Variants in LAMC2 observed in about 807,000 individuals in gnomAD.
LAMC2 encodes the protein laminin subunit gamma-2.
LAMC2 carries 97 observed loss-of-function variants against 140.2 expected under a neutral mutation model. That is an observed-to-expected ratio of 0.69 (90% CI 0.59 to 0.82). LAMC2 has a LOEUF of 0.82. Among genes scored for constraint, LAMC2 ranks in the 40% least tolerant of loss-of-function variants. The pLI is 0.00. For missense variants in LAMC2, 1,402 were observed against 1,476.1 expected (o/e 0.95, Z 0.82); for synonymous variants, 513 against 540.2 (o/e 0.95, Z 0.70).
Position 183,234,468 on chromosome 1 carries a change from C to A in LAMC2, c.2300+22C>A, listed in dbSNP as rs751561812. 130 of 1,593,632 alleles carry A rather than the reference C, an allele frequency of 8.2e-5. 2 individuals are homozygous for A. In the South Asian group the frequency reaches 1.3e-3, roughly 15 times the overall value. ...AAAGGTGAGCAGCATTAGAGGGCACCTCTGCTTCAAGCCGTCTCTGCAAGG... is the reference window on the plus strand; with the variant it reads ...AAAGGTGAGCAGCATTAGAGGGCACATCTGCTTCAAGCCGTCTCTGCAAGG... On this transcript the variant is annotated intron_variant, in intron 15 of 22. Coordinates refer to ENST00000264144, the MANE Select transcript of LAMC2 (RefSeq NM_005562.3).
the LAMC2 span, among the ~76,000 whole-genome samples, chr1:183,257,744 T>C: frequency 6.6e-6 from 1 of 152,144 alleles, no homozygotes; most frequent in African/African-American, 2.4e-5. Flanking sequence ...ATTTTATATA[T>C]TTGAGTCTTT....
the LAMC2 span, among the ~76,000 whole-genome samples, chr1:183,257,249 T>A: frequency 1.3e-5 from 2 of 152,014 alleles, no homozygotes; most frequent in South Asian, 4.1e-4. Context: ...AAGACCAGCC[T>A]GGCCAACATA....
intron 12 of LAMC2, among the ~76,000 whole-genome samples, chr1:183,231,430 T>G (rs922423512): frequency 6.6e-6 from 1 of 152,152 alleles, no homozygotes; most frequent in African/African-American, 2.4e-5. Context: ...TACTTGAAAT[T>G]TTTCAAAGTG....
chr1:183,197,071 TG>T (rs1658542733), intron 1 of LAMC2, among the ~76,000 whole-genome samples: 2 of 152,184 alleles, frequency 1.3e-5, no homozygotes, highest in African/African-American at 4.8e-5. Flanking sequence ...TGATACAATT[TG>T]TATTTTGGAA....
intron 4 of LAMC2, among the ~76,000 whole-genome samples, chr1:183,219,290 T>C (rs1659392245): frequency 6.6e-6 from 1 of 152,268 alleles, no homozygotes; most frequent in Non-Finnish European, 1.5e-5. Flanking sequence ...TTCAGGGGTT[T>C]CTGGCTGCTG....
intron 1 of LAMC2, among the ~76,000 whole-genome samples, chr1:183,194,069 G>A (rs1339235659): frequency 2.0e-5 from 3 of 152,076 alleles, no homozygotes; most frequent in Non-Finnish European, 4.4e-5. Context: ...ACAGGCGCAT[G>A]CCACCAGGCC....
chr1:183,246,776 G>A (rs982491169), downstream of LAMC2, among the ~76,000 whole-genome samples: 3 of 152,164 alleles, frequency 2.0e-5, no homozygotes, highest in African/African-American at 7.2e-5. Context: ...GTTTTGCATG[G>A]TAATGGGAAT....
Position 183,234,451 on chromosome 1 carries a change from G to A in LAMC2, c.2300+5G>A, listed in dbSNP as rs1659891963. 6.8e-6 allele frequency: 11 copies of A among 1,612,296 alleles called. No homozygotes were observed. Among genetic ancestry groups the A allele is most frequent in the South Asian group, 1.1e-5 (1 of 90,998 alleles). On this transcript the variant is annotated splice_donor_5th_base_variant and intron_variant, in intron 15 of 22. Transcript: ENST00000264144. ...GGCCACAAGATTAGCAGAAAGGTGAGCAGCATTAGAGGGCACCTCTGCTTC... is the reference window on the plus strand; with the variant it reads ...GGCCACAAGATTAGCAGAAAGGTGAACAGCATTAGAGGGCACCTCTGCTTC...
intron 1 of LAMC2, among the ~76,000 whole-genome samples, chr1:183,201,111 G>A (rs1167981798): frequency 6.6e-6 from 1 of 152,162 alleles, no homozygotes; most frequent in Non-Finnish European, 1.5e-5. Context: ...GGGAGCTGGA[G>A]TGAGGGGGCA....
At chr1:183,202,428 C>T (rs1339041219) in intron 1 of LAMC2, among the ~76,000 whole-genome samples, 2 of 151,840 alleles carry the variant, frequency 1.3e-5, no homozygotes, top group African/African-American at 4.8e-5. Flanking sequence ...CTTAAATCAG[C>T]AAAACAAAAT....
chr1:183,257,598 CAG>C, the LAMC2 span, among the ~76,000 whole-genome samples: 4 of 152,068 alleles, frequency 2.6e-5, no homozygotes, highest in Non-Finnish European at 5.9e-5. Flanking sequence ...TCAATCTTGC[CAG>C]ATTATCTTTT....
At chr1:183,208,125 GGGAA>G in intron 2 of LAMC2, 56 bp downstream of exon 2, 25 of 1,450,500 alleles carry the variant, frequency 1.7e-5, no homozygotes, top group South Asian at 2.3e-5. Context: ...GGAGACAAGA[GGGAA>G]GGAAGGAAGG....
intron 1 of LAMC2, among the ~76,000 whole-genome samples, chr1:183,187,961 T>C (rs1658205303): frequency 6.6e-6 from 1 of 152,212 alleles, no homozygotes; most frequent in African/African-American, 2.4e-5. Flanking sequence ...TTTAAGCAAT[T>C]TTCTTGTTGG....
chr1:183,191,328 T>G (rs1571497209), intron 1 of LAMC2, among the ~76,000 whole-genome samples: 1 of 152,088 alleles, frequency 6.6e-6, no homozygotes. Flanking sequence ...TGTTCTAAAC[T>G]GGGGGCAGCC....
In LAMC2 at chr1:183,213,870, A is replaced by C. The variant is rs574078385; in HGVS notation, c.269-1583A>C. Among the ~76,000 whole-genome samples the C allele has an allele frequency of 1.8e-4, 27 of 151,870 alleles. No individual in the cohort carries two copies. The Middle Eastern group carries it at 0.014, about 77-fold the overall frequency. Reference sequence around the variant, plus strand: ...CACCTAAGATTGGGAGTTCGAGACCAGCCTGGCCAACATGGAGAAACCCCG... The same window carrying C: ...CACCTAAGATTGGGAGTTCGAGACCCGCCTGGCCAACATGGAGAAACCCCG... On this transcript the variant is annotated intron_variant, in intron 2 of 22. Coordinates refer to ENST00000264144, the MANE Select transcript of LAMC2 (RefSeq NM_005562.3).
At position 183,227,575 on chromosome 1, in the gene LAMC2, T is replaced by C; in HGVS notation, c.1346T>C (p.Phe449Ser). 1 of 1,614,206 alleles carries C rather than the reference T, an allele frequency of 6.2e-7. No homozygotes were observed. Among genetic ancestry groups the C allele is most frequent in the South Asian group, 1.1e-5 (1 of 91,082 alleles). ...DIECADCPIGFYNDPHDPRSC... is the reference protein window; with the variant it reads ...DIECADCPIGSYNDPHDPRSC... ...GAGTGTGCTGACTGCCCAATTGGTT[T>C]CTACAACGATCCGCACGACCCCCGC... is the stretch of plus-strand genomic sequence containing the variant. The change falls in exon 10 of 23, where the codon TTC becomes TCC. Residue 449 changes from phenylalanine to serine, a missense_variant. Phe to Ser is a radical substitution (Grantham distance 155, BLOSUM62 -2). Around this residue, in one of 3 missense-constraint regions of LAMC2, gnomAD observed 723 missense variants for 783.3 expected, o/e 0.92. Coordinates refer to ENST00000264144, the MANE Select transcript of LAMC2 (RefSeq NM_005562.3).
At chr1:183,236,323 A>T (rs956343923) in intron 16 of LAMC2, 137 bp from the exon 17 acceptor site, 79 of 776,510 alleles carry the variant, frequency 1.0e-4, no homozygotes, top group Non-Finnish European at 1.6e-4. Context: ...TGGGAGGATG[A>T]GGCTATAGTG....
At chr1:183,215,065 GA>G (rs1426855059) in intron 2 of LAMC2, among the ~76,000 whole-genome samples, 2 of 152,172 alleles carry the variant, frequency 1.3e-5, no homozygotes, top group Non-Finnish European at 2.9e-5. Context: ...GCCTGCCAGG[GA>G]TAAGGGAGAA....
intron 7 of LAMC2, among the ~76,000 whole-genome samples, chr1:183,224,900 C>T (rs1659581352): frequency 6.6e-6 from 1 of 152,162 alleles, no homozygotes; most frequent in Non-Finnish European, 1.5e-5. Context: ...ATAACTGTGT[C>T]TACCCACCTG....
Sources: gnomAD v4.1 joint callset for allele counts (sites outside exome capture counted in the v4.1 genomes callset) on GRCh38, gnomAD v4.1.1 for gene constraint, gnomAD v4.1.1 regional missense constraint, MANE v1.5 for transcripts, NCBI Gene and HGNC (gene_info 2026-07-23, HGNC 2026-07-21) for gene names.